HSD17B2: variants seen among roughly 807,000 people sequenced by gnomAD.
The protein encoded by HSD17B2 is 17-beta-hydroxysteroid dehydrogenase type 2.
A neutral mutation model predicts 26.9 loss-of-function variants in HSD17B2; 32 were observed. That is an observed-to-expected ratio of 1.19 (90% CI 0.90 to 1.60). The LOEUF is 1.60. Ranked by LOEUF, HSD17B2 falls within the 40% of genes most tolerant of loss-of-function variation. The pLI is 0.00. For missense variants in HSD17B2, 613 were observed against 468.6 expected, an observed-to-expected ratio of 1.31 and a Z score of -2.85; for synonymous variants, 246 against 186.7, an observed-to-expected ratio of 1.32 and a Z score of -2.59.
intron 2 of HSD17B2, among the ~76,000 whole-genome samples, chr16:82,069,635 G>A (rs746968712): frequency 1.1e-4 from 16 of 152,150 alleles, no homozygotes; most frequent in African/African-American, 2.2e-4. Context: ...TGCAGACTTC[G>A]CACTCTATGT....
chr16:82,083,189 G>C (rs925647313), intron 3 of HSD17B2, among the ~76,000 whole-genome samples: 2 of 152,162 alleles, frequency 1.3e-5, no homozygotes, highest in Admixed American at 6.6e-5. Flanking sequence ...TTCCAGGAGT[G>C]GGATGGGGAG....
At chr16:82,069,120 T>C (rs8191144) in intron 2 of HSD17B2, among the ~76,000 whole-genome samples, 1 of 152,098 alleles carries the variant, frequency 6.6e-6, no homozygotes, top group South Asian at 2.1e-4. Context: ...TGCGTCCATG[T>C]GTTCTCACTG....
rs188911387 is a variant in HSD17B2, at chr16:82,035,598, G to C, written c.174G>C (p.Leu58Phe). The C allele has an allele frequency of 1.9e-6, 3 of 1,613,954 alleles. No homozygotes were observed. Among genetic ancestry groups the C allele is most frequent in the Middle Eastern group, 1.6e-4 (1 of 6,062 alleles). ...CLLILSPFWG[L>F]ILFSVSCFLM... is the part of the protein sequence containing the mutation. ...TCATCCTGTCCCCTTTTTGGGGCTT[G>C]ATCCTCTTCTCGGTGTCATGCTTCC... Residue 58 changes from leucine to phenylalanine, a missense_variant, in exon 1 of 5, where the codon TTG becomes TTC. Transcript: ENST00000199936.
chr16:82,041,166 C>G (rs1351221756), intron 1 of HSD17B2, among the ~76,000 whole-genome samples: 3 of 152,180 alleles, frequency 2.0e-5, no homozygotes, highest in Non-Finnish European at 4.4e-5. Flanking sequence ...CTGCAAGCGG[C>G]TTGAAGGCAG....
chr16:82,077,806 A>G (rs189400240), intron 3 of HSD17B2, among the ~76,000 whole-genome samples: 1 of 152,264 alleles, frequency 6.6e-6, no homozygotes, highest in East Asian at 1.9e-4. Flanking sequence ...AAAAGAAAAG[A>G]AAAGAAAAGA....
chr16:82,087,849 G>A (rs1904573363), intron 3 of HSD17B2, among the ~76,000 whole-genome samples: 1 of 152,080 alleles, frequency 6.6e-6, no homozygotes, highest in South Asian at 2.1e-4. Flanking sequence ...AAGAGAAAGA[G>A]AGCGAAAGGG....
At chr16:82,085,684 T>A (rs1904507090) in intron 3 of HSD17B2, among the ~76,000 whole-genome samples, 1 of 152,102 alleles carries the variant, frequency 6.6e-6, no homozygotes, top group Non-Finnish European at 1.5e-5. Flanking sequence ...TATGTGGGTA[T>A]CACTTGGAGA....
At chr16:82,065,356 C>T (rs750799718) in intron 1 of HSD17B2, among the ~76,000 whole-genome samples, 4 of 152,082 alleles carry the variant, frequency 2.6e-5, no homozygotes, top group Non-Finnish European at 4.4e-5. Flanking sequence ...TTATGTGCTC[C>T]GTAGAGTCAA....
At position 82,035,585 on chromosome 16, in the gene HSD17B2, CT is replaced by C; in HGVS notation, c.166del (p.Trp56GlyfsTer3). 1.2e-6 allele frequency: 2 copies of C among 1,613,958 alleles called. No individual in the cohort carries two copies. Among genetic ancestry groups the C allele is most frequent in the African/African-American group, 1.3e-5 (1 of 75,002 alleles). ...GCAGTCTGCCTGCTCATCCTGTCCCCTTTTTGGGGCTTGATCCTCTTCTCGG... is the reference window on the plus strand; with the variant it reads ...GCAGTCTGCCTGCTCATCCTGTCCCCTTTTGGGGCTTGATCCTCTTCTCGG... ...LCAVCLLILS[P>X]FWGLILFSVS... On this transcript the variant is annotated frameshift_variant, in exon 1 of 5. Coordinates refer to ENST00000199936, the MANE Select transcript of HSD17B2 (RefSeq NM_002153.3). LOFTEE classifies it high-confidence loss of function.
At chr16:82,067,586 T>A (rs552055078) in intron 1 of HSD17B2, among the ~76,000 whole-genome samples, 40 of 152,338 alleles carry the variant, frequency 2.6e-4, no homozygotes, top group Admixed American at 9.8e-4. Flanking sequence ...CTTTTTAGGC[T>A]TGACGTCTAT....
At position 82,075,556 on chromosome 16, in the gene HSD17B2, C is replaced by G. The variant is rs142930427; in HGVS notation, c.664+4429C>G. Among the ~76,000 whole-genome samples, 672 of 152,104 alleles carry G rather than the reference C, an allele frequency of 4.4e-3. 3 individuals are homozygous for G. Among genetic ancestry groups the G allele is most frequent in the African/African-American group, 0.016 (647 of 41,514 alleles). ...GACATTACAACCAATACCACAGAAA[C>G]TCAAAAGATCATTAGAGGCTACTAT... is the stretch of plus-strand genomic sequence containing the variant. On this transcript the variant is annotated intron_variant, in intron 3 of 4. Transcript: ENST00000199936.
intron 1 of HSD17B2, among the ~76,000 whole-genome samples, chr16:82,042,229 C>A (rs4480799): frequency 0.46 from 69,619 of 151,834 alleles, 18,556 homozygotes; most frequent in Admixed American, 0.6. Context: ...GGGCTTGAAC[C>A]CCTGACCTCA....
At chr16:82,040,371 C>A (rs1157638905) in intron 1 of HSD17B2, among the ~76,000 whole-genome samples, 6 of 152,186 alleles carry the variant, frequency 3.9e-5, no homozygotes, top group Admixed American at 3.9e-4. Flanking sequence ...TGTGCTCTAA[C>A]CTTTACATGC....
At chr16:82,091,304 C>G (rs904780294) in intron 4 of HSD17B2, 2 of 477,298 alleles carry the variant, frequency 4.2e-6, no homozygotes, top group Admixed American at 6.6e-5. Context: ...CTCAGTAAGT[C>G]AGATTAGTGA....
At chr16:82,095,653 C>G (rs1156856078) in intron 4 of HSD17B2, 1 of 152,178 alleles carries the variant, frequency 6.6e-6, no homozygotes, top group Non-Finnish European at 1.5e-5. Context: ...GCCTGAAATG[C>G]TGAAACCTAT....
intron 3 of HSD17B2, among the ~76,000 whole-genome samples, chr16:82,086,302 A>G (rs1169145734): frequency 6.6e-6 from 1 of 152,234 alleles, no homozygotes; most frequent in Non-Finnish European, 1.5e-5. Context: ...AGCTTTACAA[A>G]GAGTGAAGTA....
chr16:82,084,005 G>A (rs1422926737), intron 3 of HSD17B2, among the ~76,000 whole-genome samples: 1 of 152,158 alleles, frequency 6.6e-6, no homozygotes, highest in Non-Finnish European at 1.5e-5. Context: ...CTTCAGAAAT[G>A]TTCGCATAAA....
intron 3 of HSD17B2, among the ~76,000 whole-genome samples, chr16:82,080,787 C>T (rs1389584841): frequency 6.6e-6 from 1 of 152,208 alleles, no homozygotes; most frequent in Non-Finnish European, 1.5e-5. Flanking sequence ...TGAACACTTT[C>T]TCCTCATTCT....
intron 2 of HSD17B2, among the ~76,000 whole-genome samples, chr16:82,069,902 C>T (rs1754985079): frequency 6.6e-6 from 1 of 152,098 alleles, no homozygotes; most frequent in African/African-American, 2.4e-5. Context: ...GAACAGATCC[C>T]CCAGACCCAA....
Sources: allele counts gnomAD v4.1 joint callset (sites outside exome capture counted in the v4.1 genomes callset), GRCh38; gene constraint gnomAD v4.1.1; transcripts MANE v1.5; gene names NCBI Gene and HGNC (gene_info 2026-07-23, HGNC 2026-07-21).